Variants in RNF38 observed in about 807,000 individuals in gnomAD.
RNF38 encodes the protein E3 ubiquitin-protein ligase RNF38.
A neutral mutation model predicts 67.2 loss-of-function variants in RNF38; 15 were observed. The observed-to-expected ratio is 0.22, with a 90% CI of 0.15 to 0.34. The LOEUF is 0.34. RNF38 is among the 10% of genes least tolerant of loss of function. RNF38 has a pLI of 1.00. For synonymous variants in RNF38, 220 were observed against 218.8 expected (o/e 1.01, Z -0.05); for missense variants, 524 against 639.9 (o/e 0.82, Z 1.95).
chr9:36,371,466 C>T (rs558518563), intron 3 of RNF38, among the ~76,000 whole-genome samples: 10 of 131,784 alleles, frequency 7.6e-5, no homozygotes, highest in South Asian at 2.4e-4. Flanking sequence ...TTTTTTGAGA[C>T]GGTGTTTCAC....
At chr9:36,481,107 T>C (rs890415846) in intron 1 of RNF38, among the ~76,000 whole-genome samples, 1 of 150,798 alleles carries the variant, frequency 6.6e-6, no homozygotes, top group East Asian at 2.0e-4. Context: ...CTCCGCCTCC[T>C]GGGTTCAAGC....
At chr9:36,421,883 A>C (rs1486433223) in intron 2 of RNF38, among the ~76,000 whole-genome samples, 3 of 152,048 alleles carry the variant, frequency 2.0e-5, no homozygotes, top group African/African-American at 7.2e-5. Context: ...TCTGATTTTT[A>C]AATATGATAT....
chr9:36,419,643 T>A (rs1423928262), intron 2 of RNF38, among the ~76,000 whole-genome samples: 2 of 152,214 alleles, frequency 1.3e-5, no homozygotes, highest in African/African-American at 2.4e-5. Context: ...AAACTGACAT[T>A]AGCTGAGTTA....
At chr9:36,385,251 C>T (rs953443734) in intron 2 of RNF38, among the ~76,000 whole-genome samples, 8 of 152,040 alleles carry the variant, frequency 5.3e-5, no homozygotes, top group African/African-American at 4.8e-5. Flanking sequence ...GGATTTTATA[C>T]AACAACCGAT....
In RNF38 at chr9:36,338,694, A is replaced by G. The variant is rs1280865505; in HGVS notation, c.*1058T>C. ...CAACAAGGTGAGACTTCATGGGACT[A>G]GTGGTCTTCTTAGAAATATATTAAT... On this transcript the variant is annotated 3_prime_UTR_variant, in exon 12 of 12. Coordinates refer to ENST00000259605, the MANE Select transcript of RNF38 (RefSeq NM_022781.5). 1 of 152,606 alleles carries G rather than the reference A, an allele frequency of 6.6e-6. No homozygotes were observed. The highest frequency in any genetic ancestry group is 6.5e-5 in the Admixed American group (1 of 15,278). 9.5% of individuals were successfully genotyped at this position (152,606 alleles called of 1,614,324 possible).
chr9:36,391,937 T>C (rs1170289706), intron 1 of RNF38, among the ~76,000 whole-genome samples: 2 of 152,206 alleles, frequency 1.3e-5, no homozygotes, highest in Non-Finnish European at 2.9e-5. Context: ...AAAAAGTATA[T>C]GCTATAAGAA....
At chr9:36,464,307 G>A (rs1292541375) in intron 1 of RNF38, among the ~76,000 whole-genome samples, 1 of 151,886 alleles carries the variant, frequency 6.6e-6, no homozygotes, top group Non-Finnish European at 1.5e-5. Context: ...AGTGGCTCAC[G>A]CCTGTAATCC....
chr9:36,475,517 C>G (rs913629316), intron 1 of RNF38, among the ~76,000 whole-genome samples: 6 of 151,740 alleles, frequency 4.0e-5, no homozygotes, highest in African/African-American at 1.5e-4. Context: ...ACCACCACAC[C>G]TGGCTAAGTT....
intron 9 of RNF38, among the ~76,000 whole-genome samples, chr9:36,346,537 G>T (rs1833253547): frequency 6.6e-6 from 1 of 151,988 alleles, no homozygotes; most frequent in African/African-American, 2.4e-5. Flanking sequence ...TTTCCTTAAT[G>T]ACTCTAATAA....
intron 4 of RNF38, among the ~76,000 whole-genome samples, chr9:36,360,697 ACCTATAT>A (rs1289725226): frequency 6.6e-6 from 1 of 152,190 alleles, no homozygotes; most frequent in Non-Finnish European, 1.5e-5. Flanking sequence ...GTGTATAAGT[ACCTATAT>A]CCTATATCTG....
intron 1 of RNF38, among the ~76,000 whole-genome samples, chr9:36,392,065 G>A (rs903696526): frequency 6.6e-6 from 1 of 152,206 alleles, no homozygotes; most frequent in Non-Finnish European, 1.5e-5. Context: ...AAAACGTTTA[G>A]TATGGCTAGA....
At chr9:36,358,167 A>T (rs989079267) in intron 4 of RNF38, among the ~76,000 whole-genome samples, 8 of 152,174 alleles carry the variant, frequency 5.3e-5, no homozygotes, top group African/African-American at 1.9e-4. Flanking sequence ...CTCCTCCCTC[A>T]AATGACTTGA....
chr9:36,400,792 C>G, upstream of RNF38: 1 of 985,556 alleles, frequency 1.0e-6, no homozygotes, highest in Non-Finnish European at 1.2e-6. Context: ...ATGACAGAGT[C>G]GCCTAACGCC....
intron 1 of RNF38, among the ~76,000 whole-genome samples, chr9:36,477,974 G>A (rs1840160250): frequency 6.6e-6 from 1 of 151,932 alleles, no homozygotes; most frequent in Non-Finnish European, 1.5e-5. Flanking sequence ...TCCAGAGTGG[G>A]CAACAAAGCA....
intron 9 of RNF38, 34 bp from the exon 10 acceptor site, chr9:36,344,987 T>G: frequency 6.3e-7 from 1 of 1,588,908 alleles, no homozygotes; most frequent in Non-Finnish European, 8.6e-7. Flanking sequence ...TTTTCATCTA[T>G]CTTTACATTT....
intron 1 of RNF38, among the ~76,000 whole-genome samples, chr9:36,467,650 A>G (rs1469387126): frequency 6.6e-6 from 1 of 152,198 alleles, no homozygotes; most frequent in Non-Finnish European, 1.5e-5. Flanking sequence ...AAAACCCACT[A>G]TAGCTTTTTC....
chr9:36,402,964 C>T (rs1838091570), upstream of RNF38, among the ~76,000 whole-genome samples: 1 of 152,080 alleles, frequency 6.6e-6, no homozygotes, highest in South Asian at 2.1e-4. Context: ...GCAATCCAGG[C>T]TAAATTTTTA....
At chr9:36,466,153 TA>T (rs1276301813) in intron 1 of RNF38, among the ~76,000 whole-genome samples, 2 of 152,232 alleles carry the variant, frequency 1.3e-5, no homozygotes, top group Non-Finnish European at 2.9e-5. Flanking sequence ...GTACTGTTCA[TA>T]AAAGTGCAAA....
At chr9:36,447,612 C>G (rs942298598) in intron 1 of RNF38, among the ~76,000 whole-genome samples, 6 of 152,010 alleles carry the variant, frequency 3.9e-5, no homozygotes, top group African/African-American at 7.3e-5. Context: ...AAGGAATAAG[C>G]CACCGAAGAA....
Sources: allele counts gnomAD v4.1 joint callset (sites outside exome capture counted in the v4.1 genomes callset), GRCh38; gene constraint gnomAD v4.1.1; transcripts MANE v1.5; gene names NCBI Gene and HGNC (gene_info 2026-07-23, HGNC 2026-07-21).